Variants in NEURL1 observed in about 807,000 individuals in gnomAD.
NEURL1 encodes the protein E3 ubiquitin-protein ligase NEURL1.
A neutral mutation model predicts 41.2 loss-of-function variants in NEURL1; 26 were observed. The observed-to-expected ratio is 0.63, with a 90% CI of 0.46 to 0.87. The LOEUF (loss-of-function observed/expected upper bound fraction) is 0.87, where lower values mean the gene tolerates loss of function less well. Among genes scored for constraint, NEURL1 ranks in the 40% least tolerant of loss-of-function variants. NEURL1 has a pLI of 0.00. For synonymous variants in NEURL1, 400 were observed against 402.3 expected (o/e 0.99, Z 0.07); for missense variants, 761 against 871.1 (o/e 0.87, Z 1.59).
intron 1 of NEURL1, among the ~76,000 whole-genome samples, chr10:103,554,459 G>T (rs1018901336): frequency 6.6e-6 from 1 of 152,178 alleles, no homozygotes; most frequent in Non-Finnish European, 1.5e-5. Context: ...GTCTGTGTTG[G>T]GGTGTGTGGT....
intron 1 of NEURL1, among the ~76,000 whole-genome samples, chr10:103,560,293 C>T (rs1447925660): frequency 6.6e-6 from 1 of 152,226 alleles, no homozygotes; most frequent in Non-Finnish European, 1.5e-5. Flanking sequence ...GGATTGGGAG[C>T]TGAGCCCTGA....
intron 3 of NEURL1, among the ~76,000 whole-genome samples, chr10:103,579,038 G>C (rs1379920952): frequency 6.6e-6 from 1 of 152,228 alleles, no homozygotes. Flanking sequence ...TCAGGCTGAC[G>C]GCAAGCTCTG....
chr10:103,514,611 G>A (rs1592186822), intron 1 of NEURL1, among the ~76,000 whole-genome samples: 1 of 152,216 alleles, frequency 6.6e-6, no homozygotes, highest in Non-Finnish European at 1.5e-5. Flanking sequence ...CCTGCAGAGA[G>A]GGCAGGGCTG....
At chr10:103,553,603 A>G (rs1039223484) in intron 1 of NEURL1, among the ~76,000 whole-genome samples, 4 of 152,098 alleles carry the variant, frequency 2.6e-5, no homozygotes, top group Non-Finnish European at 4.4e-5. Flanking sequence ...GTCAGGCCTG[A>G]ATGTCCCTCC....
intron 4 of NEURL1, among the ~76,000 whole-genome samples, chr10:103,587,899 A>G (rs2035955083): frequency 6.6e-6 from 1 of 152,252 alleles, no homozygotes; most frequent in South Asian, 2.1e-4. Flanking sequence ...ACACAACTAA[A>G]TGAATTAGAA....
In NEURL1 at chr10:103,569,851, G is replaced by T. The variant is rs562465534; in HGVS notation, c.86-1021G>T. Among the ~76,000 whole-genome samples, 17 of 152,322 alleles carry T rather than the reference G, an allele frequency of 1.1e-4. No homozygotes were observed. The South Asian group carries it at 2.7e-3, about 24-fold the overall frequency. On this transcript the variant is annotated intron_variant, in intron 1 of 5. Coordinates refer to ENST00000369780, the MANE Select transcript of NEURL1 (RefSeq NM_004210.5). ...GGCTCATGCACAGGGTGTCTGGCTG[G>T]CCTGGGGCTTCGGAGACTGCTGTCT...
chr10:103,560,022 CACACAAGTGCACACATAA>C (rs2035256238), intron 1 of NEURL1, among the ~76,000 whole-genome samples: 1 of 151,928 alleles, frequency 6.6e-6, no homozygotes, highest in Non-Finnish European at 1.5e-5. Context: ...TGCACACATA[CACACAAGTGCACACATAA>C]ACACACGCAC....
chr10:103,585,003 A>G lies in NEURL1; in HGVS notation c.1117A>G (p.Ser373Gly). ...GCTGCGGCCGGCCGACCTGCCTTTC[A>G]GCCCTGAGGCCCTGGTGGACCGCAA... ...GTLRPADLPF[S>G]PEALVDRKEF... is the part of the protein sequence containing the mutation. Residue 373 changes from serine to glycine, a missense_variant, in exon 4 of 6, where the codon AGC becomes GGC. Coordinates refer to ENST00000369780, the MANE Select transcript of NEURL1 (RefSeq NM_004210.5). The G allele has an allele frequency of 6.4e-7, 1 of 1,570,802 alleles. No individual in the cohort carries two copies.
chr10:103,522,597 C>T (rs1435005499), intron 1 of NEURL1, among the ~76,000 whole-genome samples: 1 of 107,176 alleles, frequency 9.3e-6, no homozygotes, highest in Non-Finnish European at 1.9e-5. Flanking sequence ...AGCAAAACTC[C>T]ATTTCAAAAA....
intron 1 of NEURL1, among the ~76,000 whole-genome samples, chr10:103,503,361 G>A (rs2133845107): frequency 1.3e-5 from 2 of 152,296 alleles, no homozygotes; most frequent in Middle Eastern, 6.8e-3. Flanking sequence ...GAAAAAGAAG[G>A]GCTAAGAGAA....
At chr10:103,505,723 G>A (rs1169045587) in intron 1 of NEURL1, among the ~76,000 whole-genome samples, 5 of 140,318 alleles carry the variant, frequency 3.6e-5, no homozygotes, top group African/African-American at 1.2e-4. Context: ...CCCCAGTTGA[G>A]CTGGGTATGG....
chr10:103,574,139 A>G (rs947873709), intron 3 of NEURL1, among the ~76,000 whole-genome samples: 2 of 152,158 alleles, frequency 1.3e-5, no homozygotes, highest in African/African-American at 4.8e-5. Context: ...ATGCGTTGTT[A>G]GATGAAGAAA....
At chr10:103,499,432 C>T (rs2133843027) in intron 1 of NEURL1, among the ~76,000 whole-genome samples, 1 of 148,246 alleles carries the variant, frequency 6.7e-6, no homozygotes, top group East Asian at 2.1e-4. Context: ...TTCTCTTCTT[C>T]CCTCCTTCCT....
intron 1 of NEURL1, among the ~76,000 whole-genome samples, chr10:103,503,964 TTTATTTA>T (rs1452428173): frequency 1.6e-5 from 1 of 63,428 alleles, no homozygotes; most frequent in African/African-American, 5.3e-5. Flanking sequence ...TAGTATTTTA[TTTATTTA>T]TTTATTTATT....
intron 3 of NEURL1, 30 bp from the exon 4 acceptor site, chr10:103,584,506 G>GC (rs1276981454): frequency 4.6e-6 from 6 of 1,309,512 alleles, no homozygotes; most frequent in Non-Finnish European, 5.8e-6. Context: ...CGAGAGCCCT[G>GC]CGTGACACTG....
intron 3 of NEURL1, chr10:103,577,760 C>A (rs937231809): frequency 6.6e-6 from 1 of 152,246 alleles, no homozygotes; most frequent in Non-Finnish European, 1.5e-5. Context: ...GGCAGTGCAG[C>A]GCCCAGGATG....
At chr10:103,525,975 A>G (rs117560505) in intron 1 of NEURL1, among the ~76,000 whole-genome samples, 1 of 152,280 alleles carries the variant, frequency 6.6e-6, no homozygotes, top group East Asian at 1.9e-4. Context: ...AATTTTATCA[A>G]GTACTTTTTG....
In NEURL1 at chr10:103,566,276, C is replaced by G. The variant is rs1253819908; in HGVS notation, c.86-4596C>G. Among the ~76,000 whole-genome samples, 1 of 151,964 alleles carries G rather than the reference C, an allele frequency of 6.6e-6. No individual in the cohort carries two copies. The highest frequency in any genetic ancestry group is 6.6e-5 in the Admixed American group (1 of 15,250). On this transcript the variant is annotated intron_variant, in intron 1 of 5. Transcript: ENST00000369780. This position sits in a 1 kb window ranked among gnomAD's most constrained non-coding sequence, Gnocchi z 4.2. Reference sequence around the variant, plus strand: ...GGCTAATTTTTTATTTTTATCTGTACAACGAGATGAGGTCTCACGGTGTTG... The same window carrying G: ...GGCTAATTTTTTATTTTTATCTGTAGAACGAGATGAGGTCTCACGGTGTTG...
chr10:103,535,758 C>T (rs2034678345), intron 1 of NEURL1, among the ~76,000 whole-genome samples: 1 of 152,012 alleles, frequency 6.6e-6, no homozygotes, highest in African/African-American at 2.4e-5. Context: ...TCTGCTGGGC[C>T]CTGCAGGGAA....
Sources: gnomAD v4.1 joint callset for allele counts (sites outside exome capture counted in the v4.1 genomes callset) on GRCh38, gnomAD v4.1.1 for gene constraint, Gnocchi (gnomAD v3.1) non-coding constraint, MANE v1.5 for transcripts, NCBI Gene and HGNC (gene_info 2026-07-23, HGNC 2026-07-21) for gene names.